GRIP1: variants seen among roughly 807,000 people sequenced by gnomAD.
GRIP1 encodes glutamate receptor-interacting protein 1.
In GRIP1, 45 loss-of-function variants were observed where a neutral mutation model predicts 129.9. The ratio of observed to expected loss-of-function variants is 0.35; its 90% CI spans 0.27 to 0.44. GRIP1 has a LOEUF of 0.44. GRIP1 is among the 20% of genes least tolerant of loss of function. GRIP1 has a pLI of 1.00. For missense variants in GRIP1, 1,196 were observed against 1,396.8 expected (o/e 0.86, Z 2.29); for synonymous variants, 530 against 520.8 (o/e 1.02, Z -0.24).
At chr12:67,069,128 C>T (rs2043690507) in exon 1 of GRIP1, 1 of 985,274 alleles carries the variant, frequency 1.0e-6, no homozygotes. Context: ...CCTGCGCTCG[C>T]TGTCGGGCTC....
At chr12:66,573,902 T>C (rs1431539547) in intron 2 of GRIP1, among the ~76,000 whole-genome samples, 2 of 152,204 alleles carry the variant, frequency 1.3e-5, no homozygotes, top group East Asian at 1.9e-4. Flanking sequence ...AGGGGGATCA[T>C]GCTGGTTGGT....
intron 1 of GRIP1, among the ~76,000 whole-genome samples, chr12:67,043,575 C>T (rs540302952): frequency 5.3e-5 from 8 of 152,222 alleles, no homozygotes; most frequent in East Asian, 1.9e-4. Flanking sequence ...AATTAAGTGG[C>T]GTTTGGCTTC....
Position 66,349,155 on chromosome 12 carries a change from C to T in GRIP1, c.3251G>A (p.Arg1084Lys), listed in dbSNP as rs763861314. The change falls in exon 25 of 25, where the codon AGA (arginine) becomes AAA (lysine). Residue 1084 changes from arginine (R) to lysine (K), a missense_variant. This residue lies in a region of GRIP1 where 427 missense variants were observed against 463.3 expected (regional missense o/e 0.92). Transcript: ENST00000359742. The stretch of plus-strand genomic sequence containing the variant: ...AGACTTCTGTGAAGCCAGTGGGTTT[C>T]TACTAATAACCAGGTCCAGCTTATT... Reference protein sequence around the residue: ...SGNKLDLVISRNPLASQKSID... With the variant: ...SGNKLDLVISKNPLASQKSID... The T allele has an allele frequency of 1.9e-5, 30 of 1,614,026 alleles. No homozygotes were observed. The South Asian group carries it at 3.3e-4, about 18-fold the overall frequency.
chr12:67,029,766 C>T (rs2135773289), intron 1 of GRIP1, among the ~76,000 whole-genome samples: 1 of 152,116 alleles, frequency 6.6e-6, no homozygotes, highest in East Asian at 1.9e-4. Flanking sequence ...GAAACCTTAA[C>T]TAGTGATACT....
intron 1 of GRIP1, among the ~76,000 whole-genome samples, chr12:66,979,222 TAAA>T (rs35306665): frequency 0.11 from 4,356 of 40,346 alleles, 55 homozygotes; most frequent in Non-Finnish European, 0.13. Flanking sequence ...CTTCTCTTCT[TAAA>T]AAAAAAAAAA....
chr12:66,502,423 CTTACATTTGTG>C (rs142292697), intron 7 of GRIP1, among the ~76,000 whole-genome samples: 2,480 of 152,198 alleles, frequency 0.016, 59 homozygotes, highest in African/African-American at 0.056. Context: ...ATTTTGTATT[CTTACATTTGTG>C]TTACTCAGGA....
intron 23 of GRIP1, among the ~76,000 whole-genome samples, chr12:66,358,050 C>T (rs537124283): frequency 2.6e-5 from 4 of 152,242 alleles, no homozygotes; most frequent in South Asian, 2.1e-4. Flanking sequence ...CCTGCCCCTA[C>T]GCCCGGCTAA....
intron 1 of GRIP1, among the ~76,000 whole-genome samples, chr12:66,991,214 A>C (rs2042390026): frequency 6.6e-6 from 1 of 151,958 alleles, no homozygotes; most frequent in Admixed American, 6.6e-5. Flanking sequence ...CAGAGCTTGC[A>C]GTGAGCCGAG....
chr12:66,940,437 C>T (rs756913964), intron 1 of GRIP1, among the ~76,000 whole-genome samples: 1 of 152,100 alleles, frequency 6.6e-6, no homozygotes, highest in African/African-American at 2.4e-5. Flanking sequence ...TAGTCACGGC[C>T]ACCTACACCC....
At chr12:66,718,797 A>G (rs1328550464) in intron 1 of GRIP1, among the ~76,000 whole-genome samples, 1 of 152,180 alleles carries the variant, frequency 6.6e-6, no homozygotes, top group African/African-American at 2.4e-5. Flanking sequence ...GGTTCCACTG[A>G]GTCAAGATTA....
At chr12:66,540,103 C>T (rs1320226488) in intron 3 of GRIP1, among the ~76,000 whole-genome samples, 2 of 152,206 alleles carry the variant, frequency 1.3e-5, no homozygotes, top group East Asian at 1.9e-4. Flanking sequence ...ACTTTCCTGA[C>T]ACTTATGTCA....
At chr12:66,596,977 G>T in intron 1 of GRIP1, 50 bp from the exon 2 acceptor site, 2 of 1,222,894 alleles carry the variant, frequency 1.6e-6, no homozygotes, top group Non-Finnish European at 2.4e-6. Flanking sequence ...AGTTTCTAAT[G>T]CAGTGAAGAT....
At chr12:66,355,299 G>A (rs2054431193) in intron 23 of GRIP1, among the ~76,000 whole-genome samples, 1 of 152,020 alleles carries the variant, frequency 6.6e-6, no homozygotes, top group African/African-American at 2.4e-5. Context: ...ATTTTTCACA[G>A]GATAGAGTGA....
chr12:66,782,236 T>C (rs867634782), intron 1 of GRIP1, among the ~76,000 whole-genome samples: 2 of 152,080 alleles, frequency 1.3e-5, no homozygotes, highest in Admixed American at 1.3e-4. Flanking sequence ...AATGAACAGG[T>C]TTGTGTTTGA....
intron 1 of GRIP1, among the ~76,000 whole-genome samples, chr12:66,909,930 A>G (rs756438147): frequency 1.3e-5 from 2 of 152,188 alleles, no homozygotes; most frequent in Non-Finnish European, 2.9e-5. Context: ...GACAGCATCC[A>G]AACTATCTCA....
intron 1 of GRIP1, among the ~76,000 whole-genome samples, chr12:66,880,292 T>C (rs148147530): frequency 3.0e-4 from 45 of 151,644 alleles, no homozygotes; most frequent in African/African-American, 1.0e-3. Context: ...AAAAAGGGAG[T>C]TGGGGGGATG....
intron 24 of GRIP1, among the ~76,000 whole-genome samples, chr12:66,353,194 C>T (rs1035925495): frequency 6.6e-6 from 1 of 151,918 alleles, no homozygotes; most frequent in Non-Finnish European, 1.5e-5. Flanking sequence ...GAGCTCAGTG[C>T]CGAAAAAAAC....
intron 1 of GRIP1, among the ~76,000 whole-genome samples, chr12:66,713,173 C>G (rs1477899665): frequency 6.6e-6 from 1 of 151,968 alleles, no homozygotes; most frequent in Non-Finnish European, 1.5e-5. Context: ...TTATGACAGT[C>G]AACCTTCTAC....
chr12:66,582,415 G>T (rs2063425877), intron 2 of GRIP1, among the ~76,000 whole-genome samples: 2 of 148,414 alleles, frequency 1.3e-5, no homozygotes, highest in African/African-American at 5.0e-5. Context: ...GGGCAATTAG[G>T]CAGGAGAAGG....
Sources: gnomAD v4.1 joint callset for allele counts (sites outside exome capture counted in the v4.1 genomes callset) on GRCh38, gnomAD v4.1.1 for gene constraint, gnomAD v4.1.1 regional missense constraint, MANE v1.5 for transcripts, NCBI Gene and HGNC (gene_info 2026-07-23, HGNC 2026-07-21) for gene names.